Variants in LETMD1 observed in about 807,000 individuals in gnomAD.
LETMD1 encodes the protein LETM1 domain containing 1.
A neutral mutation model predicts 43.9 loss-of-function variants in LETMD1; 30 were observed. The observed-to-expected ratio is 0.68, with a 90% confidence interval of 0.51 to 0.93. The LOEUF (loss-of-function observed/expected upper bound fraction) is 0.93, where lower values mean the gene tolerates loss of function less well. Among genes scored for constraint, LETMD1 ranks in the 40% least tolerant of loss-of-function variants. The probability of loss-of-function intolerance (pLI) is 0.00; values close to 1 mark genes in which losing one functional copy is unlikely to be tolerated. For synonymous variants in LETMD1, 176 were observed against 163.1 expected (o/e 1.08, Z -0.60); for missense variants, 413 against 447.7 (o/e 0.92, Z 0.70).
the LETMD1 span, among the ~76,000 whole-genome samples, chr12:51,066,706 T>C: frequency 6.6e-6 from 1 of 152,122 alleles, no homozygotes; most frequent in Non-Finnish European, 1.5e-5. Context: ...GGTTTTAAGC[T>C]CTGCTAGGCC....
chr12:51,050,275 T>G (rs887146766), intron 2 of LETMD1, among the ~76,000 whole-genome samples: 1 of 150,610 alleles, frequency 6.6e-6, no homozygotes, highest in Admixed American at 6.7e-5. Flanking sequence ...CAGGCTGGAG[T>G]GCAATGGCAT....
intron 8 of LETMD1, 37 bp downstream of exon 8, chr12:51,058,165 A>G: frequency 1.5e-6 from 2 of 1,321,744 alleles, no homozygotes; most frequent in Non-Finnish European, 2.2e-6. Context: ...ACTAAAATCC[A>G]AGTCACTTTT....
rs149463150 is a variant in LETMD1, at chr12:51,059,066, C to T, written c.1013-295C>T. ...TTGAAGCTGAGAAATGTCCCTAGAG[C>T]ACCAACTTCTACCAGAAGAATCCCA... On this transcript the variant is annotated intron_variant, in intron 8 of 8. Coordinates refer to ENST00000262055, the MANE Select transcript of LETMD1 (RefSeq NM_015416.5). 6.7e-4 allele frequency: 258 copies of T among 384,398 alleles called. 1 individual carries two copies. The highest frequency in any genetic ancestry group is 5.0e-3 in the African/African-American group (245 of 48,774). The allele number at this position is 384,398 out of a possible 1,614,324, so 23.8% of individuals were successfully genotyped here. A position where few individuals can be genotyped will look rare whatever the true frequency, so the allele number is the denominator to read the frequency against.
chr12:51,052,199 T>G lies in LETMD1; in HGVS notation c.382T>G (p.Leu128Val). 1 of 1,614,046 alleles carries G rather than the reference T, an allele frequency of 6.2e-7. No homozygotes were observed. Among genetic ancestry groups the G allele is most frequent in the Non-Finnish European group, 8.5e-7 (1 of 1,179,932 alleles). The change falls in exon 3 of 9, where the codon TTG (leucine) becomes GTG (valine). Residue 128 changes from leucine (L) to valine (V), a missense_variant. By Grantham distance (32) the Leu-to-Val change is conservative. Coordinates refer to ENST00000262055, the MANE Select transcript of LETMD1 (RefSeq NM_015416.5). ...ACTTCCATACCGGGAGATGGAGCATTTGAGACAGGTATGGGCCAGGGGCAG... is the reference window on the plus strand; with the variant it reads ...ACTTCCATACCGGGAGATGGAGCATGTGAGACAGGTATGGGCCAGGGGCAG... ...HQLPYREMEH[L>V]RQFRQDVTKC...
At chr12:51,064,409 T>C, downstream of LETMD1, 1 of 1,613,792 alleles carries the variant, frequency 6.2e-7, no homozygotes, top group Non-Finnish European at 8.5e-7. Context: ...GGTGCATCAC[T>C]GCTGTCTCAT....
downstream of LETMD1, chr12:51,064,589 G>A (rs1246783619): frequency 6.3e-7 from 1 of 1,598,792 alleles, no homozygotes; most frequent in Admixed American, 1.8e-5. Flanking sequence ...TCCGGACCCG[G>A]ATTGGATTAA....
Position 51,052,093 on chromosome 12 carries a change from A to G in LETMD1, c.276A>G (p.Gly92=), listed in dbSNP as rs1300663947. The G allele has an allele frequency of 1.2e-6, 2 of 1,613,318 alleles. No individual in the cohort carries two copies. The highest frequency in any genetic ancestry group is 2.7e-5 in the African/African-American group (2 of 74,898). ...FYVLYTIFMK[G]LQMLWADAKK... ...CTGTCCTCTACTTTAATGAGGCAGG[A>G]TTGCAGATGTTATGGGCTGATGCCA... The change falls in exon 3 of 9, where the codon GGA becomes GGG. Residue 92 remains glycine (G), a splice_region_variant and synonymous_variant. Coordinates refer to ENST00000262055, the MANE Select transcript of LETMD1 (RefSeq NM_015416.5).
Position 51,053,373 on chromosome 12 carries a change from G to T in LETMD1, c.391-405G>T, listed in dbSNP as rs191371000. Among the ~76,000 whole-genome samples, 31 of 152,240 alleles carry T rather than the reference G, an allele frequency of 2.0e-4. No individual in the cohort carries two copies. The East Asian group carries it at 2.1e-3, about 10-fold the overall frequency. On this transcript the variant is annotated intron_variant, in intron 3 of 8. Coordinates refer to ENST00000262055, the MANE Select transcript of LETMD1 (RefSeq NM_015416.5). Reference sequence around the variant, plus strand: ...GAAATAAACTTGGGGACCACATGCAGTGCTCATGCCTGTAATCCTAGCACT... The same window carrying T: ...GAAATAAACTTGGGGACCACATGCATTGCTCATGCCTGTAATCCTAGCACT...
intron 7 of LETMD1, 60 bp from the exon 8 acceptor site, chr12:51,057,972 A>C (rs1404147719): frequency 1.8e-6 from 2 of 1,112,934 alleles, no homozygotes; most frequent in African/African-American, 1.5e-5. Context: ...GTGGATTTCC[A>C]TTTCCTTGGC....
At chr12:51,063,966 C>G, downstream of LETMD1, 1 of 1,613,274 alleles carries the variant, frequency 6.2e-7, no homozygotes, top group South Asian at 1.1e-5. Flanking sequence ...CTCTGATTTA[C>G]AGAGGGCAGC....
At chr12:51,055,074 T>G (rs1947257443) in intron 4 of LETMD1, among the ~76,000 whole-genome samples, 1 of 151,776 alleles carries the variant, frequency 6.6e-6, no homozygotes, top group Non-Finnish European at 1.5e-5. Context: ...CAGTCCAGCT[T>G]GGGTGACAGA....
At chr12:51,050,070 C>A (rs1945557216) in intron 2 of LETMD1, among the ~76,000 whole-genome samples, 1 of 152,128 alleles carries the variant, frequency 6.6e-6, no homozygotes. Flanking sequence ...CAAATCTGAA[C>A]ATTATCATAA....
intron 4 of LETMD1, among the ~76,000 whole-genome samples, chr12:51,054,749 T>C (rs1289378368): frequency 6.6e-6 from 1 of 152,156 alleles, no homozygotes. Context: ...ATGAGACAAG[T>C]GCCAGAGAAT....
chr12:51,059,459 C>T lies in LETMD1; in HGVS notation c.*28C>T. 1.9e-6 allele frequency: 3 copies of T among 1,600,728 alleles called. No homozygotes were observed. Among genetic ancestry groups the T allele is most frequent in the Non-Finnish European group, 2.6e-6 (3 of 1,167,770 alleles). ...GAACCATGGAGCGGATGGCATTGTC[C>T]TGCAGTCGTATAGTATAGCAGTGCA... On this transcript the variant is annotated 3_prime_UTR_variant, in exon 9 of 9. Coordinates refer to ENST00000262055, the MANE Select transcript of LETMD1 (RefSeq NM_015416.5).
intron 8 of LETMD1, 91 bp downstream of exon 8, chr12:51,058,219 G>T: frequency 1.2e-6 from 1 of 806,940 alleles, no homozygotes; most frequent in Non-Finnish European, 2.2e-6. Context: ...ATTGAGTACT[G>T]TGAGACATAT....
Position 51,052,175 on chromosome 12 carries a change from C to T in LETMD1, c.358C>T (p.Leu120Phe). ...MWKHNIKFHQLPYREMEHLRQ... is the reference protein window; with the variant it reads ...MWKHNIKFHQFPYREMEHLRQ... ...GAAGCACAATATAAAGTTTCATCAA[C>T]TTCCATACCGGGAGATGGAGCATTT... is the stretch of plus-strand genomic sequence containing the variant. The change falls in exon 3 of 9, where the codon CTT becomes TTT. Residue 120 changes from leucine to phenylalanine, a missense_variant. Physicochemically the swap from Leu to Phe is conservative, Grantham distance 22. Transcript: ENST00000262055. 1 of 1,613,930 alleles carries T rather than the reference C, an allele frequency of 6.2e-7. No individual in the cohort carries two copies. The highest frequency in any genetic ancestry group is 8.5e-7 in the Non-Finnish European group (1 of 1,179,806).
the LETMD1 span, among the ~76,000 whole-genome samples, chr12:51,067,448 C>A: frequency 0.039 from 5,871 of 152,194 alleles, 386 homozygotes; most frequent in African/African-American, 0.13. The surrounding 1 kb of genome is among the most constrained non-coding windows in gnomAD (Gnocchi z 4.1). Flanking sequence ...CTCAAGAGAT[C>A]CTCCTACCTC....
chr12:51,051,706 CA>C (rs201478688), intron 2 of LETMD1, among the ~76,000 whole-genome samples: 4 of 149,318 alleles, frequency 2.7e-5, no homozygotes, highest in Non-Finnish European at 5.9e-5. Flanking sequence ...GATTCCATCT[CA>C]AAAAAAAGAA....
chr12:51,064,609 G>A (rs1221173565), downstream of LETMD1: 7 of 1,567,206 alleles, frequency 4.5e-6, no homozygotes, highest in Admixed American at 1.9e-5. Context: ...AATTCAATGC[G>A]TCCTGCCATG....
Sources: allele counts gnomAD v4.1 joint callset (sites outside exome capture counted in the v4.1 genomes callset), GRCh38; gene constraint gnomAD v4.1.1; non-coding constraint Gnocchi (gnomAD v3.1); transcripts MANE v1.5; gene names NCBI Gene and HGNC (gene_info 2026-07-23, HGNC 2026-07-21).